AGBL1: variants seen among roughly 807,000 people sequenced by gnomAD.
AGBL1 encodes the protein cytosolic carboxypeptidase 4.
AGBL1 carries 130 observed loss-of-function variants against 118.9 expected under a neutral mutation model. The ratio of observed to expected loss-of-function variants is 1.09; its 90% CI spans 0.95 to 1.26. AGBL1 has a LOEUF of 1.26. Among genes scored for constraint, AGBL1 ranks in the 50% most tolerant of loss-of-function variants. The probability of loss-of-function intolerance (pLI) is 0.00; values close to 1 mark genes in which losing one functional copy is unlikely to be tolerated. For missense variants in AGBL1, 1,584 were observed against 1,298.1 expected, an observed-to-expected ratio of 1.22 and a Z score of -3.38; for synonymous variants, 555 against 478.9, an observed-to-expected ratio of 1.16 and a Z score of -2.08.
intron 22 of AGBL1, among the ~76,000 whole-genome samples, chr15:86,720,352 G>C (rs1048701068): frequency 5.3e-5 from 8 of 152,136 alleles, no homozygotes; most frequent in African/African-American, 1.9e-4. Flanking sequence ...CTTCAGTTAT[G>C]TTTACTTTCT....
intron 22 of AGBL1, among the ~76,000 whole-genome samples, chr15:86,888,085 G>C (rs1257820994): frequency 1.3e-5 from 2 of 152,090 alleles, no homozygotes; most frequent in African/African-American, 4.8e-5. Context: ...GAGCATCAAG[G>C]CTTGGGAAGC....
chr15:86,262,912 G>T lies in AGBL1; in HGVS notation c.1086+18G>T. On this transcript the variant is annotated intron_variant, in intron 10 of 22. Coordinates refer to ENST00000614907, the MANE Select transcript of AGBL1 (RefSeq NM_001386094.1). ...GCTTTGAGGTAGGACATATGCTGTG[G>T]TTCTGATCTTTGACGATGCATGATG... 6.4e-7 allele frequency: 1 copy of T among 1,564,796 alleles called. No individual in the cohort carries two copies. The highest frequency in any genetic ancestry group is 2.3e-5 in the East Asian group (1 of 43,936).
chr15:86,400,182 A>G (rs1489035356), intron 18 of AGBL1, among the ~76,000 whole-genome samples: 5 of 152,096 alleles, frequency 3.3e-5, no homozygotes, highest in Admixed American at 2.6e-4. Flanking sequence ...TCTGTTGTGT[A>G]TCATCAGGTG....
chr15:86,107,500 T>A (rs895421834), intron 1 of AGBL1: 1 of 152,210 alleles, frequency 6.6e-6, no homozygotes, highest in Non-Finnish European at 1.5e-5. Flanking sequence ...GCTTACACAG[T>A]CTTGGCATGC....
intron 6 of AGBL1, among the ~76,000 whole-genome samples, chr15:86,246,706 A>T (rs1224725696): frequency 6.6e-6 from 1 of 152,244 alleles, no homozygotes; most frequent in Non-Finnish European, 1.5e-5. Flanking sequence ...TCATGCCTAA[A>T]AAATGGATGT....
At chr15:86,322,847 AG>A (rs2080124169) in intron 17 of AGBL1, among the ~76,000 whole-genome samples, 1 of 152,198 alleles carries the variant, frequency 6.6e-6, no homozygotes, top group African/African-American at 2.4e-5. Flanking sequence ...ACTGGAGCCA[AG>A]TGCAGTAATT....
intron 22 of AGBL1, among the ~76,000 whole-genome samples, chr15:86,702,583 C>A (rs889200089): frequency 3.3e-5 from 5 of 152,304 alleles, no homozygotes; most frequent in Admixed American, 6.5e-5. Context: ...CTACTTTCAA[C>A]AGGGACACCA....
intron 22 of AGBL1, among the ~76,000 whole-genome samples, chr15:86,823,459 T>C (rs1377434397): frequency 2.0e-5 from 3 of 152,178 alleles, no homozygotes; most frequent in African/African-American, 7.2e-5. Context: ...ATAATGCTTA[T>C]ACACTTCAAG....
At chr15:86,946,653 G>A (rs1266165669) in intron 23 of AGBL1, among the ~76,000 whole-genome samples, 1 of 151,778 alleles carries the variant, frequency 6.6e-6, no homozygotes, top group Non-Finnish European at 1.5e-5. Flanking sequence ...TTCGAGACCA[G>A]CCTGACCAAC....
intron 10 of AGBL1, among the ~76,000 whole-genome samples, chr15:86,263,851 A>G (rs1201295132): frequency 1.3e-5 from 2 of 152,228 alleles, no homozygotes; most frequent in Non-Finnish European, 2.9e-5. Context: ...ATTTGGCTTC[A>G]GAAAGCAGAA....
chr15:86,636,742 T>C (rs1356958632), intron 21 of AGBL1, among the ~76,000 whole-genome samples: 585 of 54,714 alleles, frequency 0.011, 38 homozygotes, highest in African/African-American at 0.039. Flanking sequence ...TATATATATA[T>C]ATATATATAT....
intron 22 of AGBL1, among the ~76,000 whole-genome samples, chr15:86,904,277 T>G (rs2080251301): frequency 6.6e-6 from 1 of 152,124 alleles, no homozygotes; most frequent in African/African-American, 2.4e-5. Context: ...CTGCTAGTCC[T>G]GAGGCCCTGA....
intron 17 of AGBL1, among the ~76,000 whole-genome samples, chr15:86,382,240 C>CA (rs2081122603): frequency 6.6e-6 from 1 of 152,190 alleles, no homozygotes; most frequent in Non-Finnish European, 1.5e-5. Flanking sequence ...GTATGCCACA[C>CA]AGACCCGCAG....
intron 21 of AGBL1, among the ~76,000 whole-genome samples, chr15:86,651,797 G>A (rs952671565): frequency 1.4e-4 from 21 of 152,146 alleles, no homozygotes; most frequent in African/African-American, 4.8e-4. Flanking sequence ...ACTGAGTTCA[G>A]TTGACTTCCT....
At chr15:86,359,133 C>T (rs920191810) in intron 17 of AGBL1, among the ~76,000 whole-genome samples, 31 of 151,940 alleles carry the variant, frequency 2.0e-4, no homozygotes, top group Admixed American at 2.0e-3. Context: ...TTAGTTTCTT[C>T]TAGTATTTTC....
intron 22 of AGBL1, among the ~76,000 whole-genome samples, chr15:86,900,078 T>C (rs866897856): frequency 3.3e-5 from 5 of 152,160 alleles, no homozygotes; most frequent in South Asian, 2.1e-4. Context: ...CTTCAACTTT[T>C]GGACTCTTGG....
At chr15:86,515,283 G>C (rs2083106306) in intron 18 of AGBL1, among the ~76,000 whole-genome samples, 1 of 152,114 alleles carries the variant, frequency 6.6e-6, no homozygotes, top group Non-Finnish European at 1.5e-5. Flanking sequence ...CCTGCTCTTA[G>C]TGGAAATTCC....
intron 21 of AGBL1, among the ~76,000 whole-genome samples, chr15:86,564,420 G>A (rs571299121): frequency 6.6e-6 from 1 of 152,204 alleles, no homozygotes; most frequent in East Asian, 1.9e-4. Flanking sequence ...GAAATTCTGG[G>A]TTGAAAATTC....
At chr15:86,204,483 C>G (rs1226975211) in intron 5 of AGBL1, among the ~76,000 whole-genome samples, 3 of 135,848 alleles carry the variant, frequency 2.2e-5, no homozygotes, top group African/African-American at 8.5e-5. Flanking sequence ...CCTTCCCTTC[C>G]TTTCCCTTCC....
Sources: allele counts gnomAD v4.1 joint callset (sites outside exome capture counted in the v4.1 genomes callset), GRCh38; gene constraint gnomAD v4.1.1; transcripts MANE v1.5; gene names NCBI Gene and HGNC (gene_info 2026-07-23, HGNC 2026-07-21).